FREM3: variants seen among roughly 807,000 people sequenced by gnomAD.
The protein encoded by FREM3 is FRAS1-related extracellular matrix protein 3.
FREM3 carries 105 observed loss-of-function variants against 129.1 expected under a neutral mutation model. The observed-to-expected ratio is 0.81, with a 90% CI of 0.69 to 0.96. FREM3 has a LOEUF of 0.96. Ranked by LOEUF, FREM3 falls within the 40% of genes least tolerant of loss-of-function variation. The probability of loss-of-function intolerance (pLI) is 0.00; values close to 1 mark genes in which losing one functional copy is unlikely to be tolerated. For missense variants in FREM3, 2,593 were observed against 2,666.3 expected, an observed-to-expected ratio of 0.97 and a Z score of 0.61; for synonymous variants, 1,014 against 1,044.9, an observed-to-expected ratio of 0.97 and a Z score of 0.57.
At chr4:143,578,056 G>A (rs1412890876) in intron 7 of FREM3, among the ~76,000 whole-genome samples, 1 of 152,144 alleles carries the variant, frequency 6.6e-6, no homozygotes, top group Non-Finnish European at 1.5e-5. Context: ...CCATGCCCAC[G>A]TGCCATCCTC....
chr4:143,640,935 A>T (rs1307629730), intron 2 of FREM3, among the ~76,000 whole-genome samples: 1 of 152,160 alleles, frequency 6.6e-6, no homozygotes, highest in African/African-American at 2.4e-5. Context: ...TGTTCTATAA[A>T]TTGATCATGT....
intron 7 of FREM3, among the ~76,000 whole-genome samples, chr4:143,584,589 ATATT>A (rs1738206816): frequency 6.6e-6 from 1 of 152,210 alleles, no homozygotes; most frequent in African/African-American, 2.4e-5. Context: ...ACTATCCTGA[ATATT>A]TATGTGCCCA....
intron 4 of FREM3, among the ~76,000 whole-genome samples, chr4:143,623,198 C>T (rs1216541111): frequency 6.6e-6 from 1 of 152,144 alleles, no homozygotes; most frequent in Non-Finnish European, 1.5e-5. Flanking sequence ...GAGAGTTTCT[C>T]AGAATCTTTA....
intron 2 of FREM3, among the ~76,000 whole-genome samples, chr4:143,662,753 G>C (rs994240426): frequency 6.6e-6 from 1 of 151,978 alleles, no homozygotes; most frequent in Admixed American, 6.6e-5. Context: ...CTTGCTTTAT[G>C]AATCTGGGTG....
chr4:143,697,316 C>G lies in FREM3; in HGVS notation c.3360G>C (p.Lys1120Asn). 1 of 1,537,202 alleles carries G rather than the reference C, an allele frequency of 6.5e-7. No individual in the cohort carries two copies. Among genetic ancestry groups the G allele is most frequent in the Admixed American group, 2.0e-5 (1 of 50,994 alleles). The change falls in exon 1 of 8, where the codon AAG becomes AAC. Residue 1120 changes from lysine (K) to asparagine (N), a missense_variant. Transcript: ENST00000329798. Reference protein sequence around the residue: ...TSQPASGYLEKIASAPGSKMS... With the variant: ...TSQPASGYLENIASAPGSKMS... ...TTTTTGAACCAGGAGCTGATGCAATCTTTTCCAGGTAGCCAGAGGCTGGCT... is the reference window on the plus strand; with the variant it reads ...TTTTTGAACCAGGAGCTGATGCAATGTTTTCCAGGTAGCCAGAGGCTGGCT...
chr4:143,678,011 C>A lies in FREM3; in HGVS notation c.5275+15102G>T, dbSNP rs1288901836. On this transcript the variant is annotated intron_variant, in intron 2 of 7. Coordinates refer to ENST00000329798, the MANE Select transcript of FREM3 (RefSeq NM_001168235.2). ...TCCTCAGGGATCTAGAACTAGAAATCCCATATGACCCAGCCATCCCATTAC... is the reference window on the plus strand; with the variant it reads ...TCCTCAGGGATCTAGAACTAGAAATACCATATGACCCAGCCATCCCATTAC... 1.4e-4 allele frequency among the ~76,000 whole-genome samples: 21 copies of A among 152,220 alleles called. No individual in the cohort carries two copies. In the South Asian group the frequency reaches 2.9e-3, roughly 21 times the overall value.
rs369671725 is a variant in FREM3 at position 143,627,647 on chromosome 4, G to A, written c.5389C>T (p.Arg1797Cys). The change falls in exon 3 of 8, where the codon CGC (arginine) becomes TGC (cysteine). Residue 1797 changes from arginine to cysteine, a missense_variant. Arg to Cys is a radical substitution (Grantham distance 180). Transcript: ENST00000329798. ...GATGTTTCTCCAAGGTATCCTCTGC[G>A]TGTAAGGGTCACTTCTAAGAATGTG... ...DSTFLEVTLTRRGYLGETSFI... is the reference protein window; with the variant it reads ...DSTFLEVTLTCRGYLGETSFI... 8.8e-5 allele frequency: 135 copies of A among 1,535,890 alleles called. No homozygotes were observed. The highest frequency in any genetic ancestry group is 3.7e-4 in the African/African-American group (27 of 73,082).
rs1418056797 is a variant in FREM3, at chr4:143,695,606, T to C, written c.5070A>G (p.Ala1690=). The part of the protein sequence containing the change: ...GFLITSKSLK[A]EDQDSPHRLL... ...GCCTGTGGGGACTGTCCTGATCTTC[T>C]GCCTTCAGAGACTTGCTGGTAATCA... is the stretch of plus-strand genomic sequence containing the variant. Residue 1690 remains alanine, a synonymous_variant, in exon 1 of 8, where the codon GCA becomes GCG. Transcript: ENST00000329798. The C allele has an allele frequency of 6.5e-7, 1 of 1,537,374 alleles. No homozygotes were observed. Among genetic ancestry groups the C allele is most frequent in the East Asian group, 2.4e-5 (1 of 40,926 alleles).
chr4:143,618,441 CG>C (rs2149840717), intron 5 of FREM3, among the ~76,000 whole-genome samples: 1 of 151,980 alleles, frequency 6.6e-6, no homozygotes, highest in East Asian at 1.9e-4. Context: ...ACAACAGGGT[CG>C]GGGCCCTTCC....
intron 6 of FREM3, among the ~76,000 whole-genome samples, chr4:143,605,962 C>T (rs1738661680): frequency 6.6e-6 from 1 of 152,050 alleles, no homozygotes; most frequent in Admixed American, 6.6e-5. Context: ...CCCTTGTGGC[C>T]ATTGTTCATT....
In FREM3 at chr4:143,697,613, G is replaced by A; in HGVS notation, c.3063C>T (p.His1021=). 1 of 1,537,820 alleles carries A rather than the reference G, an allele frequency of 6.5e-7. No individual in the cohort carries two copies. Among genetic ancestry groups the A allele is most frequent in the Non-Finnish European group, 8.7e-7 (1 of 1,147,024 alleles). The change falls in exon 1 of 8, where the codon CAC becomes CAT. Residue 1021 remains histidine (H), a synonymous_variant. Coordinates refer to ENST00000329798, the MANE Select transcript of FREM3 (RefSeq NM_001168235.2). ...TTTGAAAACCAACTTCACCTGCAGT[G>A]TGGGCATAGGCTACTCTCCCATTGA... The part of the protein sequence containing the change: ...DLINGRVAYA[H]TAGEVGFQKQ...
intron 2 of FREM3, among the ~76,000 whole-genome samples, chr4:143,633,338 C>A (rs1739174362): frequency 6.6e-6 from 1 of 152,122 alleles, no homozygotes; most frequent in Non-Finnish European, 1.5e-5. Context: ...GGTAGGTTTG[C>A]AACTAGGAAA....
intron 2 of FREM3, among the ~76,000 whole-genome samples, chr4:143,646,168 C>T (rs1328755796): frequency 6.6e-6 from 1 of 152,088 alleles, no homozygotes; most frequent in African/African-American, 2.4e-5. Context: ...ATAAAAGTTG[C>T]CCAACATTTA....
chr4:143,589,023 T>C (rs1412789553), intron 6 of FREM3, among the ~76,000 whole-genome samples: 4 of 152,200 alleles, frequency 2.6e-5, no homozygotes, highest in African/African-American at 7.2e-5. Context: ...CATGTGTTTT[T>C]TGGCTGCATA....
intron 2 of FREM3, among the ~76,000 whole-genome samples, chr4:143,631,003 G>A (rs1438038208): frequency 1.3e-5 from 2 of 152,112 alleles, no homozygotes; most frequent in African/African-American, 4.8e-5. Context: ...TCCATCAGAA[G>A]TCAAAATAAT....
chr4:143,696,957 C>T lies in FREM3; in HGVS notation c.3719G>A (p.Arg1240Gln), dbSNP rs764476638. Residue 1240 changes from arginine to glutamine, a missense_variant, in exon 1 of 8, where the codon CGA (arginine) becomes CAA (glutamine). Arg to Gln is a conservative substitution (Grantham distance 43, BLOSUM62 1). This residue lies in a region of FREM3 where 2,276 missense variants were observed against 2,267.2 expected (regional missense o/e 1.00). Transcript: ENST00000329798. ...FQLTALPRHGRIIQQLATGSQ... is the reference protein window; with the variant it reads ...FQLTALPRHGQIIQQLATGSQ... Reference sequence around the variant, plus strand: ...GCCTGTAGCCAGCTGCTGTATGATTCGTCCATGCCGAGGGAGGGCTGTGAG... The same window carrying T: ...GCCTGTAGCCAGCTGCTGTATGATTTGTCCATGCCGAGGGAGGGCTGTGAG... 8 of 1,537,548 alleles carry T rather than the reference C, an allele frequency of 5.2e-6. No individual in the cohort carries two copies. Among genetic ancestry groups the T allele is most frequent in the Admixed American group, 3.9e-5 (2 of 50,982 alleles).
chr4:143,628,969 C>T (rs1158111070), intron 2 of FREM3, among the ~76,000 whole-genome samples: 3 of 152,098 alleles, frequency 2.0e-5, no homozygotes, highest in Non-Finnish European at 4.4e-5. Flanking sequence ...GGTGGGTCAT[C>T]TGTCCAGTAG....
chr4:143,646,043 G>A (rs1424349155), intron 2 of FREM3, among the ~76,000 whole-genome samples: 1 of 152,186 alleles, frequency 6.6e-6, no homozygotes, highest in African/African-American at 2.4e-5. Context: ...CCCAGTGAGA[G>A]AGATGAAGTA....
chr4:143,606,937 A>T (rs1738677005), intron 6 of FREM3, among the ~76,000 whole-genome samples: 1 of 152,070 alleles, frequency 6.6e-6, no homozygotes, highest in South Asian at 2.1e-4. Context: ...TACCAGAAAA[A>T]TTTTCTTAAG....
Sources: allele counts gnomAD v4.1 joint callset (sites outside exome capture counted in the v4.1 genomes callset), GRCh38; gene constraint gnomAD v4.1.1; regional missense constraint gnomAD v4.1.1; transcripts MANE v1.5; gene names NCBI Gene and HGNC (gene_info 2026-07-23, HGNC 2026-07-21).